Variants in ADAM17 observed in about 807,000 individuals in gnomAD.
ADAM17 encodes disintegrin and metalloproteinase domain-containing protein 17.
A neutral mutation model predicts 96.7 loss-of-function variants in ADAM17; 39 were observed. The ratio of observed to expected loss-of-function variants is 0.40; its 90% CI spans 0.31 to 0.53. The LOEUF is 0.53. Ranked by LOEUF, ADAM17 falls within the 20% of genes least tolerant of loss-of-function variation. The pLI, the probability that ADAM17 is intolerant of heterozygous loss-of-function variation, is 0.44. For missense variants in ADAM17, 777 were observed against 1,013.2 expected (o/e 0.77, Z 3.17); for synonymous variants, 344 against 359.2 (o/e 0.96, Z 0.48).
chr2:9,500,020 A>G (rs1662905780), intron 13 of ADAM17, among the ~76,000 whole-genome samples: 1 of 152,356 alleles, frequency 6.6e-6, no homozygotes, highest in East Asian at 1.9e-4. Context: ...AAGATTAAGC[A>G]TAGTTACCAC....
chr2:9,546,994 A>G (rs1223938081), intron 1 of ADAM17, among the ~76,000 whole-genome samples: 1 of 152,240 alleles, frequency 6.6e-6, no homozygotes, highest in Non-Finnish European at 1.5e-5. Context: ...GGCGTGGGCC[A>G]CAGAGCCCAG....
chr2:9,494,355 A>C (rs1662391923), intron 15 of ADAM17, among the ~76,000 whole-genome samples: 1 of 152,182 alleles, frequency 6.6e-6, no homozygotes, highest in South Asian at 2.1e-4. Flanking sequence ...GGAAAACATA[A>C]TTAGGACCCA....
chr2:9,524,684 C>T (rs933580612), intron 6 of ADAM17, among the ~76,000 whole-genome samples: 1 of 152,166 alleles, frequency 6.6e-6, no homozygotes, highest in African/African-American at 2.4e-5. Flanking sequence ...CCTATTCCCC[C>T]ACTCTCACCC....
At chr2:9,496,463 A>G (rs898996458) in intron 14 of ADAM17, 4 of 152,334 alleles carry the variant, frequency 2.6e-5, no homozygotes, top group African/African-American at 9.7e-5. Context: ...GAACTCCCTC[A>G]TCGACTCCCA....
Position 9,490,294 on chromosome 2 carries a change from G to A in ADAM17, c.2358C>T (p.Ser786=), listed in dbSNP as rs2124948113. The A allele has an allele frequency of 6.2e-7, 1 of 1,614,170 alleles. No homozygotes were observed. The highest frequency in any genetic ancestry group is 1.1e-5 in the South Asian group (1 of 91,076). Residue 786 remains serine, a synonymous_variant, in exon 19 of 19, where the codon AGC becomes AGT. Coordinates refer to ENST00000310823, the MANE Select transcript of ADAM17 (RefSeq NM_003183.6). ...GFEKDPFPNS[S]TAAKSFEDLT... is the part of the protein sequence containing the mutation. Reference sequence around the variant, plus strand: ...GATCCTCAAATGACTTGGCAGCTGTGCTGCTATTTGGGAAGGGGTCCTTCT... The same window carrying A: ...GATCCTCAAATGACTTGGCAGCTGTACTGCTATTTGGGAAGGGGTCCTTCT...
chr2:9,494,909 G>C, intron 14 of ADAM17, 142 bp from the exon 15 acceptor site: 1 of 987,616 alleles, frequency 1.0e-6, no homozygotes, highest in Non-Finnish European at 1.4e-6. Context: ...ACTATCCATA[G>C]CCCCCACCAA....
chr2:9,520,945 CA>C (rs199758799), intron 8 of ADAM17, among the ~76,000 whole-genome samples: 60,697 of 106,974 alleles, frequency 0.57, 17,450 homozygotes, highest in Middle Eastern at 0.77. Flanking sequence ...GCCAGGGCAA[CA>C]AGAGTGAAAC....
At chr2:9,533,345 G>A (rs1039227665) in intron 4 of ADAM17, among the ~76,000 whole-genome samples, 1 of 151,918 alleles carries the variant, frequency 6.6e-6, no homozygotes, top group East Asian at 1.9e-4. Flanking sequence ...TCAGGAGATC[G>A]AGACCATCCT....
intron 11 of ADAM17, 26 bp downstream of exon 11, chr2:9,509,953 A>AT (rs757559005): frequency 4.5e-5 from 73 of 1,612,486 alleles, no homozygotes; most frequent in Non-Finnish European, 5.0e-5. Flanking sequence ...TCCAAACCAC[A>AT]TAAAAAATTC....
At chr2:9,529,226 G>T (rs1331242182) in intron 4 of ADAM17, among the ~76,000 whole-genome samples, 1 of 152,154 alleles carries the variant, frequency 6.6e-6, no homozygotes, top group Non-Finnish European at 1.5e-5. Context: ...GAGGCAGGTG[G>T]ATCACTTGAG....
At chr2:9,521,410 G>A (rs572358612) in intron 7 of ADAM17, 94 bp from the exon 8 acceptor site, 90 of 897,374 alleles carry the variant, frequency 1.0e-4, no homozygotes, top group Admixed American at 3.2e-4. Flanking sequence ...AAAAAGAATC[G>A]TTCTAGAAAA....
In ADAM17 at chr2:9,526,629, C is replaced by G. The variant is rs760233065; in HGVS notation, c.620-385G>C. Among the ~76,000 whole-genome samples, 46 of 152,172 alleles carry G rather than the reference C, an allele frequency of 3.0e-4. No homozygotes were observed. The Middle Eastern group carries it at 0.014, about 45-fold the overall frequency. ...TGGCCAACATGATGAAACCCCATCT[C>G]TATTAAAAATACAAAAATTAGCCAG... On this transcript the variant is annotated intron_variant, in intron 5 of 18. Transcript: ENST00000310823.
At chr2:9,542,400 T>C (rs1042419312) in intron 2 of ADAM17, among the ~76,000 whole-genome samples, 2 of 152,218 alleles carry the variant, frequency 1.3e-5, no homozygotes, top group African/African-American at 4.8e-5. Context: ...TGAAGCAGGT[T>C]AAAGAATCCT....
chr2:9,540,794 T>C (rs557858491), intron 2 of ADAM17, among the ~76,000 whole-genome samples: 2 of 152,218 alleles, frequency 1.3e-5, no homozygotes, highest in South Asian at 2.1e-4. Flanking sequence ...CTTACAAATA[T>C]ATAAAAAGAT....
intron 6 of ADAM17, among the ~76,000 whole-genome samples, chr2:9,525,125 G>C (rs1198431099): frequency 6.6e-6 from 1 of 151,886 alleles, no homozygotes; most frequent in East Asian, 1.9e-4. Flanking sequence ...ACTCTTACTA[G>C]CCTCATAATA....
intron 12 of ADAM17, 129 bp from the exon 13 acceptor site, chr2:9,502,405 T>G: frequency 1.4e-6 from 1 of 727,760 alleles, no homozygotes; most frequent in South Asian, 1.7e-5. Context: ...CACCCACTCC[T>G]ACATCATCAG....
At chr2:9,521,416 G>GA (rs1035666406) in intron 7 of ADAM17, 100 bp from the exon 8 acceptor site, 190 of 859,368 alleles carry the variant, frequency 2.2e-4, no homozygotes, top group Non-Finnish European at 2.8e-4. Flanking sequence ...AATCGTTCTA[G>GA]AAAAAAAACA....
At position 9,505,419 on chromosome 2, in the gene ADAM17, C is replaced by A; in HGVS notation, c.1345-54G>T. The A allele has an allele frequency of 2.0e-6, 3 of 1,525,470 alleles. No individual in the cohort carries two copies. The Admixed American group carries it at 5.0e-5, about 26-fold the overall frequency. 94.5% of individuals were successfully genotyped at this position (1,525,470 alleles called of 1,614,324 possible). A position where few individuals can be genotyped will look rare whatever the true frequency, so the allele number is the denominator to read the frequency against. On this transcript the variant is annotated intron_variant, in intron 11 of 18. Transcript: ENST00000310823. Reference sequence around the variant, plus strand: ...AAAATAATATCATAAAAATGTATTCCCATGCAATGTTTGTGTCTTCTCTAG... The same window carrying A: ...AAAATAATATCATAAAAATGTATTCACATGCAATGTTTGTGTCTTCTCTAG...
chr2:9,495,835 T>G (rs912041798), intron 14 of ADAM17, among the ~76,000 whole-genome samples: 2 of 151,934 alleles, frequency 1.3e-5, no homozygotes, highest in African/African-American at 4.8e-5. Context: ...CACAACAGAT[T>G]TATTTGGCAT....
Sources: gnomAD v4.1 joint callset for allele counts (sites outside exome capture counted in the v4.1 genomes callset) on GRCh38, gnomAD v4.1.1 for gene constraint, MANE v1.5 for transcripts, NCBI Gene and HGNC (gene_info 2026-07-23, HGNC 2026-07-21) for gene names.